RABL6: variants seen among roughly 807,000 people sequenced by gnomAD.
RABL6 encodes RAB, member RAS oncogene family like 6, also known as rab-like protein 6.
In RABL6, 28 loss-of-function variants were observed where a neutral mutation model predicts 72.9. The ratio of observed to expected loss-of-function variants is 0.38; its 90% confidence interval spans 0.28 to 0.53. RABL6 has a LOEUF of 0.53. Among genes scored for constraint, RABL6 ranks in the 20% least tolerant of loss-of-function variants. The pLI is 0.80. For synonymous variants in RABL6, 477 were observed against 421.2 expected, an observed-to-expected ratio of 1.13 and a Z score of -1.62; for missense variants, 1,029 against 1,008.4, an observed-to-expected ratio of 1.02 and a Z score of -0.28.
At chr9:136,812,288 G>A (rs534274166) in intron 1 of RABL6, among the ~76,000 whole-genome samples, 4 of 152,206 alleles carry the variant, frequency 2.6e-5, no homozygotes, top group Non-Finnish European at 5.9e-5. Context: ...GGCCGGGCAC[G>A]GTGGCTCACA....
intron 1 of RABL6, among the ~76,000 whole-genome samples, chr9:136,816,907 ACT>A (rs1169279992): frequency 2.0e-5 from 3 of 152,130 alleles, no homozygotes; most frequent in Admixed American, 6.6e-5. Flanking sequence ...AGAAAATAAG[ACT>A]CTTCATTCTC....
chr9:136,829,754 G>C (rs1421897018), intron 5 of RABL6, among the ~76,000 whole-genome samples: 5 of 152,274 alleles, frequency 3.3e-5, no homozygotes, highest in African/African-American at 9.6e-5. Context: ...TAGCCCCACT[G>C]TTCTTCCTGA....
chr9:136,840,527 G>C lies in RABL6; in HGVS notation c.*5G>C, dbSNP rs1488262896. On this transcript the variant is annotated 3_prime_UTR_variant, in exon 15 of 15. Transcript: ENST00000311502. ...GGCGACTACGAGGAGCTCTAGGCCG[G>C]CGTGGGCAGTGGCCGCCCTGGGGCG... The C allele has an allele frequency of 6.5e-7, 1 of 1,543,326 alleles. No homozygotes were observed. The highest frequency in any genetic ancestry group is 8.7e-7 in the Non-Finnish European group (1 of 1,144,728).
intron 4 of RABL6, 119 bp downstream of exon 4, chr9:136,828,665 G>A: frequency 3.7e-6 from 4 of 1,068,296 alleles, no homozygotes; most frequent in Admixed American, 2.3e-5. Context: ...GGCCACGGGG[G>A]CCGCTGGCCT....
intron 3 of RABL6, 29 bp from the exon 4 acceptor site, chr9:136,828,465 C>T (rs773778542): frequency 3.1e-6 from 5 of 1,611,718 alleles, no homozygotes; most frequent in Non-Finnish European, 3.4e-6. Flanking sequence ...GGGGTTCCAC[C>T]TCGTAATTTT....
chr9:136,840,286 T>C, intron 14 of RABL6, 36 bp from the exon 15 acceptor site: 2 of 1,608,846 alleles, frequency 1.2e-6, no homozygotes, highest in Non-Finnish European at 1.7e-6. Flanking sequence ...TGTGGCTTCC[T>C]GTGACTCCAT....
intron 1 of RABL6, among the ~76,000 whole-genome samples, chr9:136,817,935 G>A (rs1265997103): frequency 6.6e-6 from 1 of 151,734 alleles, no homozygotes; most frequent in Non-Finnish European, 1.5e-5. Context: ...GAGGGCAGGC[G>A]CCTGTAATCC....
At chr9:136,818,384 AAAAAAAAAAAAAAAAAAAAACC>A (rs1274164893) in intron 1 of RABL6, among the ~76,000 whole-genome samples, 1,250 of 123,752 alleles carry the variant, frequency 0.01, 106 homozygotes, top group East Asian at 0.041. Flanking sequence ...AAAAAAAAAA[AAAAAAAAAAAAAAAAAAAAACC>A]AAAGGTAAGC....
Position 136,825,783 on chromosome 9 carries a change from G to A in RABL6, c.270G>A (p.Thr90=), listed in dbSNP as rs777021011. The change falls in exon 3 of 15, where the codon ACG becomes ACA. Residue 90 remains threonine, a synonymous_variant. Transcript: ENST00000311502. ...TTAGGATTCTCCCTGTTTCAGCCAC[G>A]GATGACATCGTGAAGGTTGAAGTCT... is the stretch of plus-strand genomic sequence containing the variant. ...VTSIHWSYKT[T]DDIVKVEVWD... The A allele has an allele frequency of 1.1e-5, 17 of 1,613,496 alleles. No individual in the cohort carries two copies. Among genetic ancestry groups the A allele is most frequent in the Admixed American group, 1.7e-5 (1 of 60,004 alleles).
chr9:136,810,530 T>C (rs1847986948), intron 1 of RABL6, among the ~76,000 whole-genome samples: 1 of 152,144 alleles, frequency 6.6e-6, no homozygotes, highest in Non-Finnish European at 1.5e-5. Flanking sequence ...TTCTAGTATT[T>C]CTTTTCTTTT....
chr9:136,838,121 G>A (rs896005416), intron 10 of RABL6, 106 bp downstream of exon 10: 38 of 1,364,494 alleles, frequency 2.8e-5, no homozygotes, highest in African/African-American at 1.7e-4. Flanking sequence ...GCCCCCCGCC[G>A]GCTGGTCACT....
intron 1 of RABL6, chr9:136,821,557 C>T (rs1433305530): frequency 1.0e-6 from 1 of 985,292 alleles, no homozygotes; most frequent in Non-Finnish European, 1.2e-6. Context: ...TGCTGCTCAT[C>T]TGGGGGGGAC....
chr9:136,818,379 AAAAAAAAAAAAAAAAAAAAAAAAAAC>A (rs1481038733), intron 1 of RABL6, among the ~76,000 whole-genome samples: 10 of 77,116 alleles, frequency 1.3e-4, no homozygotes, highest in African/African-American at 1.7e-4. Context: ...AAAAAAAAAA[AAAAAAAAAAAAAAAAAAAAAAAAAAC>A]CAAAGGTAAG....
chr9:136,808,410 C>A, intron 1 of RABL6, 84 bp downstream of exon 1: 1 of 1,307,592 alleles, frequency 7.6e-7, no homozygotes, highest in South Asian at 1.9e-5. Context: ...TGGTGGGTGT[C>A]GGTCTCACCT....
At chr9:136,836,154 C>T (rs911830114) in intron 8 of RABL6, 52 of 306,476 alleles carry the variant, frequency 1.7e-4, no homozygotes, top group African/African-American at 1.0e-3. Flanking sequence ...AGGGGCTTGG[C>T]CTCCCAGATT....
intron 1 of RABL6, among the ~76,000 whole-genome samples, chr9:136,818,765 G>C (rs922500675): frequency 6.6e-6 from 1 of 151,536 alleles, no homozygotes; most frequent in Non-Finnish European, 1.5e-5. Flanking sequence ...GGAAAGAAAA[G>C]GAATAAGCGT....
chr9:136,829,004 C>G (rs1259196228), intron 4 of RABL6, among the ~76,000 whole-genome samples: 2 of 152,202 alleles, frequency 1.3e-5, no homozygotes, highest in African/African-American at 4.8e-5. Context: ...GTGACTCTGC[C>G]CACAGCACTG....
At chr9:136,822,988 T>A (rs1248659591) in intron 1 of RABL6, among the ~76,000 whole-genome samples, 2 of 150,516 alleles carry the variant, frequency 1.3e-5, no homozygotes, top group African/African-American at 4.9e-5. Flanking sequence ...CTCGGGAGGC[T>A]GAGACAGGAG....
intron 8 of RABL6, 70 bp downstream of exon 8, chr9:136,835,915 G>T: frequency 7.2e-7 from 1 of 1,383,956 alleles, no homozygotes; most frequent in Non-Finnish European, 1.0e-6. Context: ...AGGGCCATGG[G>T]CTGCACCAAG....
Sources: allele counts gnomAD v4.1 joint callset (sites outside exome capture counted in the v4.1 genomes callset), GRCh38; gene constraint gnomAD v4.1.1; transcripts MANE v1.5; gene names NCBI Gene and HGNC (gene_info 2026-07-23, HGNC 2026-07-21).